TAF3: variants seen among roughly 807,000 people sequenced by gnomAD.
The protein encoded by TAF3 is transcription initiation factor TFIID subunit 3.
In TAF3, 7 loss-of-function variants were observed where a neutral mutation model predicts 80.6. The observed-to-expected ratio is 0.09, with a 90% CI of 0.05 to 0.16. The LOEUF (loss-of-function observed/expected upper bound fraction) is 0.16, where lower values mean the gene tolerates loss of function less well. TAF3 is among the 10% of genes least tolerant of loss of function. The pLI, the probability that TAF3 is intolerant of heterozygous loss-of-function variation, is 1.00. For missense variants in TAF3, 921 were observed against 1,140.2 expected, an observed-to-expected ratio of 0.81 and a Z score of 2.77; for synonymous variants, 444 against 446.1, an observed-to-expected ratio of 1.00 and a Z score of 0.06.
At position 7,873,623 on chromosome 10, in the gene TAF3, C is replaced by CCA. The variant is rs1554779074; in HGVS notation, c.409+49064_409+49065insAC. ...AGGGAAGACATCCGAGTTCTCCCCC[C>CCA]CCCCCCGTCAAAAGGGGGTGTCGAA... On this transcript the variant is annotated intron_variant, in intron 2 of 6. Coordinates refer to ENST00000344293, the MANE Select transcript of TAF3 (RefSeq NM_031923.4). 4.5e-4 allele frequency among the ~76,000 whole-genome samples: 43 copies of CCA among 96,462 alleles called. 3 individuals are homozygous for CCA. Among genetic ancestry groups the CCA allele is most frequent in the Non-Finnish European group, 8.1e-4 (36 of 44,584 alleles). 63.3% of individuals were successfully genotyped at this position (96,462 alleles called of 152,430 possible). A position where few individuals can be genotyped will look rare whatever the true frequency, so the allele number is the denominator to read the frequency against.
At chr10:7,880,964 G>A (rs927167235) in intron 2 of TAF3, among the ~76,000 whole-genome samples, 1 of 152,180 alleles carries the variant, frequency 6.6e-6, no homozygotes, top group Non-Finnish European at 1.5e-5. Context: ...GCCCAAGCAT[G>A]GTGGCTCATG....
intron 3 of TAF3, 54 bp from the exon 4 acceptor site, chr10:7,977,186 AG>A (rs1831681559): frequency 6.6e-7 from 1 of 1,525,794 alleles, no homozygotes; most frequent in Non-Finnish European, 9.1e-7. Flanking sequence ...GAGAAGTGGT[AG>A]GAGGTACTTT....
intron 5 of TAF3, among the ~76,000 whole-genome samples, chr10:8,012,486 G>A (rs971143811): frequency 1.3e-5 from 2 of 152,186 alleles, no homozygotes; most frequent in African/African-American, 2.4e-5. Context: ...GTTCTTGTGC[G>A]GCACACAGAG....
chr10:8,010,383 G>A (rs187872763), intron 5 of TAF3, among the ~76,000 whole-genome samples: 26 of 152,276 alleles, frequency 1.7e-4, no homozygotes, highest in Non-Finnish European at 3.1e-4. Context: ...ATGTAGAGAC[G>A]CATGGTGGTA....
intron 2 of TAF3, among the ~76,000 whole-genome samples, chr10:7,870,761 A>G (rs911250354): frequency 6.6e-6 from 1 of 151,508 alleles, no homozygotes; most frequent in African/African-American, 2.4e-5. Context: ...CCCACTTAAC[A>G]TTTTTCCCTG....
At position 7,928,713 on chromosome 10, in the gene TAF3, G is replaced by T. The variant is rs115097774; in HGVS notation, c.410-35207G>T. On this transcript the variant is annotated intron_variant, in intron 2 of 6. Transcript: ENST00000344293. ...GGTTGTCTGTCATTCTACTCACGATGATCTAGGTAATGGCCTAAGACTGGG... is the reference window on the plus strand; with the variant it reads ...GGTTGTCTGTCATTCTACTCACGATTATCTAGGTAATGGCCTAAGACTGGG... Among the ~76,000 whole-genome samples, 922 of 152,232 alleles carry T rather than the reference G, an allele frequency of 6.1e-3. 9 individuals are homozygous for T. The highest frequency in any genetic ancestry group is 0.021 in the African/African-American group (866 of 41,538).
chr10:7,847,478 C>T (rs1469343887), intron 2 of TAF3, among the ~76,000 whole-genome samples: 3 of 152,016 alleles, frequency 2.0e-5, no homozygotes, highest in South Asian at 2.1e-4. Flanking sequence ...AGAGTCTTGC[C>T]CTGTCGTACA....
rs1016338315 is a variant in TAF3 at position 7,957,899 on chromosome 10, AT to A, written c.410-6012del. On this transcript the variant is annotated intron_variant, in intron 2 of 6. Transcript: ENST00000344293. ...AAAGTAGAAAGGGCCTGTGACCCAAATTTTTTTTTATTATTTTTGCAATAAC... is the reference window on the plus strand; with the variant it reads ...AAAGTAGAAAGGGCCTGTGACCCAAATTTTTTTTATTATTTTTGCAATAAC... 9.3e-5 allele frequency among the ~76,000 whole-genome samples: 14 copies of A among 151,066 alleles called. No homozygotes were observed. In the East Asian group the frequency reaches 9.7e-4, roughly 10 times the overall value.
At position 7,834,491 on chromosome 10, in the gene TAF3, A is replaced by G. The variant is rs530416019; in HGVS notation, c.409+9931A>G. On this transcript the variant is annotated intron_variant, in intron 2 of 6. Coordinates refer to ENST00000344293, the MANE Select transcript of TAF3 (RefSeq NM_031923.4). ...GTCTCGGTGCTAAGGGATACTTATT[A>G]TATATAACTCGGTTGTTCATTGTTT... is the stretch of plus-strand genomic sequence containing the variant. Among the ~76,000 whole-genome samples the G allele has an allele frequency of 5.3e-5, 8 of 152,246 alleles. No homozygotes were observed. In the East Asian group the frequency reaches 1.2e-3, roughly 22 times the overall value.
At chr10:7,869,994 A>T (rs998311652) in intron 2 of TAF3, among the ~76,000 whole-genome samples, 9 of 152,314 alleles carry the variant, frequency 5.9e-5, no homozygotes, top group Middle Eastern at 3.4e-3. Context: ...TTGCATATTT[A>T]AATTTATTTT....
chr10:7,865,302 C>A (rs1837199817), intron 2 of TAF3, among the ~76,000 whole-genome samples: 1 of 152,046 alleles, frequency 6.6e-6, no homozygotes, highest in Non-Finnish European at 1.5e-5. Flanking sequence ...CCTGTAGAGA[C>A]AGGGTTTCTA....
intron 4 of TAF3, among the ~76,000 whole-genome samples, chr10:7,993,879 T>C (rs538621591): frequency 7.1e-6 from 1 of 140,854 alleles, no homozygotes; most frequent in Non-Finnish European, 1.5e-5. Flanking sequence ...AAATATACAA[T>C]CTTTTTTTTT....
At chr10:7,970,779 T>C (rs1831614310) in intron 3 of TAF3, among the ~76,000 whole-genome samples, 1 of 152,204 alleles carries the variant, frequency 6.6e-6, no homozygotes, top group Non-Finnish European at 1.5e-5. Context: ...CCCCAAATAA[T>C]CTTTTATTAA....
intron 2 of TAF3, among the ~76,000 whole-genome samples, chr10:7,838,154 G>A (rs1199941003): frequency 6.6e-6 from 1 of 152,154 alleles, no homozygotes; most frequent in Non-Finnish European, 1.5e-5. Flanking sequence ...GAGCAAAGCT[G>A]GATTAGGGTT....
chr10:7,885,613 C>G (rs1054759222), intron 2 of TAF3, among the ~76,000 whole-genome samples: 2 of 152,194 alleles, frequency 1.3e-5, no homozygotes, highest in Admixed American at 6.5e-5. Context: ...TTTATTTTCT[C>G]CTTTGCATCT....
At chr10:7,985,986 G>A (rs965042436) in intron 4 of TAF3, among the ~76,000 whole-genome samples, 1 of 151,852 alleles carries the variant, frequency 6.6e-6, no homozygotes, top group Non-Finnish European at 1.5e-5. Flanking sequence ...GTTTCGCCTT[G>A]TTGGCCAGGC....
In TAF3 at chr10:8,014,916, C is replaced by T; in HGVS notation, c.*165C>T. 1 of 579,218 alleles carries T rather than the reference C, an allele frequency of 1.7e-6. No homozygotes were observed. The highest frequency in any genetic ancestry group is 3.0e-6 in the Non-Finnish European group (1 of 337,088). The allele number at this position is 579,218 out of a possible 1,614,324, so 35.9% of individuals were successfully genotyped here. Reference sequence around the variant, plus strand: ...ACACACCGCGCACCTGGATTGTTCACTCCCGAGCCGCCTTGGCCTGTGGCT... The same window carrying T: ...ACACACCGCGCACCTGGATTGTTCATTCCCGAGCCGCCTTGGCCTGTGGCT... On this transcript the variant is annotated 3_prime_UTR_variant, in exon 7 of 7. Transcript: ENST00000344293.
At chr10:7,899,045 A>G (rs570322842) in intron 2 of TAF3, among the ~76,000 whole-genome samples, 3 of 152,280 alleles carry the variant, frequency 2.0e-5, no homozygotes, top group South Asian at 4.1e-4. Flanking sequence ...GATTCCCCCA[A>G]TCTACCTGGA....
rs1831537571 is a variant in TAF3, at chr10:7,963,834, C to T, written c.410-86C>T. 3 of 1,268,202 alleles carry T rather than the reference C, an allele frequency of 2.4e-6. No individual in the cohort carries two copies. The Admixed American group carries it at 8.9e-5, about 37-fold the overall frequency. The allele number at this position is 1,268,202 out of a possible 1,614,324, so 78.6% of individuals were successfully genotyped here. A position where few individuals can be genotyped will look rare whatever the true frequency, so the allele number is the denominator to read the frequency against. ...AATAAAAAAGAAAGAAAAAAGAAAT[C>T]ATATTTGAAGCATTGTTTTTATTTC... On this transcript the variant is annotated intron_variant, in intron 2 of 6. Coordinates refer to ENST00000344293, the MANE Select transcript of TAF3 (RefSeq NM_031923.4).
Sources: gnomAD v4.1 joint callset for allele counts (sites outside exome capture counted in the v4.1 genomes callset) on GRCh38, gnomAD v4.1.1 for gene constraint, MANE v1.5 for transcripts, NCBI Gene and HGNC (gene_info 2026-07-23, HGNC 2026-07-21) for gene names.